Variants in KDM2B observed in about 807,000 individuals in gnomAD.
KDM2B encodes the protein lysine demethylase 2B, also known as lysine-specific demethylase 2B.
A neutral mutation model predicts 150.0 loss-of-function variants in KDM2B; 26 were observed. That is an observed-to-expected ratio of 0.17 (90% CI 0.13 to 0.24). The LOEUF (loss-of-function observed/expected upper bound fraction) is 0.24, where lower values mean the gene tolerates loss of function less well. Among genes scored for constraint, KDM2B ranks in the 10% least tolerant of loss-of-function variants. KDM2B has a pLI of 1.00. For missense variants in KDM2B, 1,265 were observed against 1,816.9 expected, an observed-to-expected ratio of 0.70 and a Z score of 5.52; for synonymous variants, 734 against 729.5, an observed-to-expected ratio of 1.01 and a Z score of -0.10.
At position 121,520,793 on chromosome 12, in the gene KDM2B, G is replaced by T. The variant is rs1886613512; in HGVS notation, c.1047+192C>A. Among the ~76,000 whole-genome samples the T allele has an allele frequency of 6.6e-6, 1 of 152,044 alleles. No individual in the cohort carries two copies. Among genetic ancestry groups the T allele is most frequent in the South Asian group, 2.1e-4 (1 of 4,828 alleles). On this transcript the variant is annotated intron_variant, in intron 9 of 22. Transcript: ENST00000377071. This position sits in a 1 kb window ranked among gnomAD's most constrained non-coding sequence, Gnocchi z 4.5. The stretch of plus-strand genomic sequence containing the variant: ...GTGAACAGAAACTCCAGGGCCTCCG[G>T]GTGTGGCTCCTACAGGCATTCCCCT...
intron 12 of KDM2B, among the ~76,000 whole-genome samples, chr12:121,462,564 GCT>G (rs1454189882): frequency 6.6e-6 from 1 of 151,470 alleles, no homozygotes; most frequent in African/African-American, 2.4e-5. Context: ...CACAATCTCA[GCT>G]CACTGCAACC....
intron 8 of KDM2B, among the ~76,000 whole-genome samples, chr12:121,530,204 G>A (rs1345968325): frequency 3.4e-5 from 5 of 147,086 alleles, no homozygotes; most frequent in Non-Finnish European, 1.5e-5. Flanking sequence ...CTCCAGCCTG[G>A]GCAACAGAGC....
At chr12:121,466,630 G>C (rs1398447091) in intron 12 of KDM2B, among the ~76,000 whole-genome samples, 3 of 150,984 alleles carry the variant, frequency 2.0e-5, no homozygotes, top group African/African-American at 4.8e-5. Flanking sequence ...GCGGGCGCGC[G>C]GCGCCCAGAC....
At chr12:121,567,800 T>C (rs1309282799) in intron 4 of KDM2B, among the ~76,000 whole-genome samples, 7 of 134,274 alleles carry the variant, frequency 5.2e-5, no homozygotes, top group African/African-American at 2.0e-4. Context: ...AACCTCCACC[T>C]CCCGGGTTCA....
At chr12:121,512,333 A>G (rs1885662914) in intron 10 of KDM2B, among the ~76,000 whole-genome samples, 3 of 151,964 alleles carry the variant, frequency 2.0e-5, no homozygotes, top group African/African-American at 7.3e-5. Flanking sequence ...CAGCAGAAAC[A>G]CTGGTTCCCC....
chr12:121,580,729 C>T (rs1226413680), intron 1 of KDM2B, 57 bp downstream of exon 1: 1 of 1,584,092 alleles, frequency 6.3e-7, no homozygotes, highest in Admixed American at 1.7e-5. Context: ...TTCCTGCCCT[C>T]ATTGCCCAGG....
intron 15 of KDM2B, 72 bp downstream of exon 15, chr12:121,444,378 C>T (rs1555289601): frequency 1.9e-6 from 3 of 1,607,730 alleles, no homozygotes; most frequent in East Asian, 4.5e-5. Context: ...ACTCCTGGGA[C>T]AGGCTGGTCC....
Position 121,442,564 on chromosome 12 carries a change from CTGGA to C in KDM2B, c.2873_2876del (p.Ile958ArgfsTer84). On this transcript the variant is annotated frameshift_variant, in exon 19 of 23. Transcript: ENST00000377071. LOFTEE classifies it high-confidence loss of function. This position sits in a 1 kb window ranked among gnomAD's most constrained non-coding sequence, Gnocchi z 7.7. ...CGTTGGCCAGGCTGTTCTCCGTCCT[CTGGA>C]TCTCGTGGTTGAGCTCCTTGCTCAG... 1.2e-6 allele frequency: 2 copies of C among 1,600,644 alleles called. No individual in the cohort carries two copies. The highest frequency in any genetic ancestry group is 8.5e-7 in the Non-Finnish European group (1 of 1,179,876).
chr12:121,449,233 A>T (rs1876811902), intron 13 of KDM2B, among the ~76,000 whole-genome samples: 1 of 152,088 alleles, frequency 6.6e-6, no homozygotes, highest in Non-Finnish European at 1.5e-5. Flanking sequence ...CCAGCATGAC[A>T]TCGGCATGAC....
chr12:121,495,924 C>A (rs1883887245), intron 11 of KDM2B, among the ~76,000 whole-genome samples: 1 of 151,472 alleles, frequency 6.6e-6, no homozygotes, highest in Non-Finnish European at 1.5e-5. Flanking sequence ...TTGGCGATCT[C>A]CCACGAGGCA....
chr12:121,498,697 G>T (rs1884217939), intron 11 of KDM2B, among the ~76,000 whole-genome samples: 1 of 151,986 alleles, frequency 6.6e-6, no homozygotes, highest in African/African-American at 2.4e-5. Flanking sequence ...ATATCAGATT[G>T]GAGTCTAACT....
At chr12:121,540,484 C>A (rs1209078185) in intron 6 of KDM2B, among the ~76,000 whole-genome samples, 1 of 150,824 alleles carries the variant, frequency 6.6e-6, no homozygotes, top group Non-Finnish European at 1.5e-5. Flanking sequence ...TGCAGTGGCT[C>A]ACACCTATAA....
intron 4 of KDM2B, among the ~76,000 whole-genome samples, chr12:121,559,691 G>A (rs146635795): frequency 1.1e-4 from 17 of 152,076 alleles, no homozygotes; most frequent in East Asian, 9.7e-4. Context: ...ACCTGAGGTC[G>A]GGAGTTCGAG....
rs1367636956 is a variant in KDM2B, at chr12:121,442,914, C to T, written c.2604+78G>A. ...CCCAAGGCCTCCCGCCCCCCTGCCA[C>T]GGGACTGTGGCCCAGGGAGCTGCGG... On this transcript the variant is annotated intron_variant, in intron 18 of 22. Coordinates refer to ENST00000377071, the MANE Select transcript of KDM2B (RefSeq NM_032590.5). The surrounding 1 kb of genome is among the most constrained non-coding windows in gnomAD (Gnocchi z 7.7). 1.1e-5 allele frequency: 18 copies of T among 1,578,000 alleles called. No homozygotes were observed. Among genetic ancestry groups the T allele is most frequent in the South Asian group, 8.0e-5 (7 of 87,042 alleles).
chr12:121,574,585 T>C lies in KDM2B; in HGVS notation c.359A>G (p.Asp120Gly). Residue 120 changes from aspartate to glycine, a missense_variant, in exon 4 of 23, where the codon GAC (aspartate) becomes GGC (glycine). Physicochemically the swap from Asp to Gly is moderately conservative, Grantham distance 94. This residue lies in a region of KDM2B where 214 missense variants were observed against 447.4 expected (regional missense o/e 0.48). Transcript: ENST00000377071. ...EKDGLGIKMP[D>G]PDFTVRDVKL... ...GACGTCTCGGACTGTGAAATCAGGG[T>C]CAGGCATCCTGGGGAAAGAGGAGCA... is the stretch of plus-strand genomic sequence containing the variant. 1.2e-6 allele frequency: 2 copies of C among 1,613,658 alleles called. No homozygotes were observed. Among genetic ancestry groups the C allele is most frequent in the East Asian group, 2.2e-5 (1 of 44,830 alleles).
chr12:121,421,478 G>A, the KDM2B span, among the ~76,000 whole-genome samples: 5 of 150,550 alleles, frequency 3.3e-5, no homozygotes, highest in East Asian at 5.9e-4. Context: ...GCTTGAGCCT[G>A]CAGGGAGCCG....
chr12:121,562,996 C>A (rs1890450256), intron 4 of KDM2B, among the ~76,000 whole-genome samples: 1 of 152,136 alleles, frequency 6.6e-6, no homozygotes, highest in Admixed American at 6.6e-5. Flanking sequence ...GGTTTGGATT[C>A]TCTCATTAGA....
At position 121,442,573 on chromosome 12, in the gene KDM2B, G is replaced by A. The variant is rs782292009; in HGVS notation, c.2868C>T (p.His956=). 1.9e-6 allele frequency: 3 copies of A among 1,600,998 alleles called. No individual in the cohort carries two copies. Among genetic ancestry groups the A allele is most frequent in the South Asian group, 1.1e-5 (1 of 91,062 alleles). ...LSRELSKELN[H]EIQRTENSLA... ...GGCTGTTCTCCGTCCTCTGGATCTC[G>A]TGGTTGAGCTCCTTGCTCAGCTCCC... The change falls in exon 19 of 23, where the codon CAC becomes CAT. Residue 956 remains histidine (H), a synonymous_variant. Coordinates refer to ENST00000377071, the MANE Select transcript of KDM2B (RefSeq NM_032590.5). This position sits in a 1 kb window ranked among gnomAD's most constrained non-coding sequence, Gnocchi z 7.7.
chr12:121,543,900 C>T (rs1555310152), intron 6 of KDM2B, among the ~76,000 whole-genome samples: 17 of 151,460 alleles, frequency 1.1e-4, no homozygotes, highest in African/African-American at 3.6e-4. Flanking sequence ...GGTCGGTGGA[C>T]CACTTGAGTC....
Sources: allele counts gnomAD v4.1 joint callset (sites outside exome capture counted in the v4.1 genomes callset), GRCh38; gene constraint gnomAD v4.1.1; regional missense constraint gnomAD v4.1.1; non-coding constraint Gnocchi (gnomAD v3.1); transcripts MANE v1.5; gene names NCBI Gene and HGNC (gene_info 2026-07-23, HGNC 2026-07-21).